ZNF846: variants seen among roughly 807,000 people sequenced by gnomAD.
The protein encoded by ZNF846 is zinc finger protein 420 pseudogene.
In ZNF846, 15 loss-of-function variants were observed where a neutral mutation model predicts 16.0. That is an observed-to-expected ratio of 0.94 (90% CI 0.63 to 1.45). The LOEUF (loss-of-function observed/expected upper bound fraction) is 1.45, where lower values mean the gene tolerates loss of function less well. Ranked by LOEUF, ZNF846 falls within the 40% of genes most tolerant of loss-of-function variation. The pLI, the probability that ZNF846 is intolerant of heterozygous loss-of-function variation, is 0.00. For missense variants in ZNF846, 714 were observed against 622.3 expected, an observed-to-expected ratio of 1.15 and a Z score of -1.57; for synonymous variants, 229 against 212.0, an observed-to-expected ratio of 1.08 and a Z score of -0.70.
chr19:9,774,045 T>C (rs953069650), intron 1 of ZNF846, among the ~76,000 whole-genome samples: 1 of 152,174 alleles, frequency 6.6e-6, no homozygotes, highest in Non-Finnish European at 1.5e-5. Context: ...AAAACATACA[T>C]GAAGAAGCTT....
At chr19:9,757,119 C>T (rs112905167), downstream of ZNF846, among the ~76,000 whole-genome samples, 18,439 of 151,022 alleles carry the variant, frequency 0.12, 1,469 homozygotes, top group Admixed American at 0.23. Flanking sequence ...TCCTTGAACC[C>T]AGGAGGCAGA....
upstream of ZNF846, among the ~76,000 whole-genome samples, chr19:9,773,542 G>C (rs756766391): frequency 6.6e-6 from 1 of 152,168 alleles, no homozygotes; most frequent in African/African-American, 2.4e-5. Context: ...AGCAATTTGG[G>C]AGGCCAAGGT....
chr19:9,752,476 T>C (rs1166185358), downstream of ZNF846: 8 of 409,096 alleles, frequency 2.0e-5, no homozygotes, highest in Admixed American at 7.8e-5. Flanking sequence ...TTAGCTGAGC[T>C]TGGTGGTGCA....
At chr19:9,773,803 A>G (rs2045409500) in intron 1 of ZNF846, among the ~76,000 whole-genome samples, 1 of 152,182 alleles carries the variant, frequency 6.6e-6, no homozygotes, top group African/African-American at 2.4e-5. Context: ...AAGAAAAAGA[A>G]AAAGTAAATA....
chr19:9,757,687 T>C (rs773098584), exon 6 of ZNF846: 6 of 1,613,158 alleles, frequency 3.7e-6, no homozygotes, highest in Non-Finnish European at 5.1e-6. Flanking sequence ...ATATTAAGAT[T>C]TGTGGAACGA....
downstream of ZNF846, among the ~76,000 whole-genome samples, chr19:9,754,706 T>G (rs2045117416): frequency 6.6e-6 from 1 of 151,470 alleles, no homozygotes; most frequent in Non-Finnish European, 1.5e-5. Flanking sequence ...AAGACTCATT[T>G]TGCCACTTTG....
intron 1 of ZNF846, among the ~76,000 whole-genome samples, chr19:9,773,718 G>A (rs1208930620): frequency 6.6e-6 from 1 of 151,994 alleles, no homozygotes; most frequent in Non-Finnish European, 1.5e-5. Context: ...GTAGGTGGAG[G>A]TTGCAGTGAG....
chr19:9,749,161 C>T (rs748984118), downstream of ZNF846, among the ~76,000 whole-genome samples: 4 of 152,154 alleles, frequency 2.6e-5, no homozygotes, highest in Admixed American at 6.5e-5. Flanking sequence ...CCCCTACTTC[C>T]CTTAAACTCA....
intron 1 of ZNF846, among the ~76,000 whole-genome samples, chr19:9,782,037 A>T (rs539828407): frequency 6.6e-6 from 1 of 152,242 alleles, no homozygotes; most frequent in East Asian, 1.9e-4. Context: ...TCAGCCTCCC[A>T]AAGTGCTGGG....
chr19:9,754,131 CTCTCTCT>C (rs1438450974), downstream of ZNF846, among the ~76,000 whole-genome samples: 1 of 151,538 alleles, frequency 6.6e-6, no homozygotes. Flanking sequence ...CTCTCATTCA[CTCTCTCT>C]TCTATCAGTT....
At chr19:9,769,339 C>T (rs2045368727), upstream of ZNF846, among the ~76,000 whole-genome samples, 1 of 152,118 alleles carries the variant, frequency 6.6e-6, no homozygotes, top group African/African-American at 2.4e-5. Context: ...CCCTCGGCCT[C>T]CCAAGCAGCT....
intron 1 of ZNF846, among the ~76,000 whole-genome samples, chr19:9,784,865 C>A (rs1453255291): frequency 1.3e-5 from 2 of 152,176 alleles, no homozygotes; most frequent in Non-Finnish European, 2.9e-5. Context: ...TCCATTAAAC[C>A]TTGAGTCAAC....
At chr19:9,765,105 G>A (rs2045293938) in intron 1 of ZNF846, 70 bp from the exon 2 acceptor site, 4 of 812,458 alleles carry the variant, frequency 4.9e-6, no homozygotes, top group Middle Eastern at 4.6e-4. Context: ...AGGCATGGTG[G>A]CTCATGCCTG....
At chr19:9,783,198 C>G (rs898926780) in intron 1 of ZNF846, among the ~76,000 whole-genome samples, 1 of 146,642 alleles carries the variant, frequency 6.8e-6, no homozygotes, top group Non-Finnish European at 1.5e-5. Context: ...ACCTGAGTAC[C>G]TGGACTTCTC....
At chr19:9,763,232 G>T in intron 3 of ZNF846, 50 bp downstream of exon 3, 1 of 1,490,338 alleles carries the variant, frequency 6.7e-7, no homozygotes, top group Non-Finnish European at 9.0e-7. Flanking sequence ...AAACATTTAA[G>T]AAACATTGAT....
intron 4 of ZNF846, among the ~76,000 whole-genome samples, chr19:9,760,683 AGAGT>A (rs1467417192): frequency 6.6e-6 from 1 of 151,478 alleles, no homozygotes; most frequent in African/African-American, 2.4e-5. Flanking sequence ...CCTGGGTGAC[AGAGT>A]GAGACTCTGT....
downstream of ZNF846, chr19:9,756,441 A>C (rs908090070): frequency 6.8e-6 from 1 of 147,282 alleles, no homozygotes; most frequent in African/African-American, 2.6e-5. Context: ...TGAGATTACC[A>C]AATATTAACA....
At chr19:9,752,445 A>C in intron 5 of ZNF846, 1 of 181,244 alleles carries the variant, frequency 5.5e-6, no homozygotes, top group Non-Finnish European at 1.1e-5. Context: ...TCGTCTCTAC[A>C]AAAAAAAAAA....
At chr19:9,752,608 T>A (rs1395397590), downstream of ZNF846, among the ~76,000 whole-genome samples, 1 of 120,058 alleles carries the variant, frequency 8.3e-6, no homozygotes, top group East Asian at 2.1e-4. Context: ...AAGTGAGACT[T>A]CATCCCAAAA....
Sources: allele counts gnomAD v4.1 joint callset (sites outside exome capture counted in the v4.1 genomes callset), GRCh38; gene constraint gnomAD v4.1.1; transcripts MANE v1.5; gene names NCBI Gene and HGNC (gene_info 2026-07-23, HGNC 2026-07-21).